RAVER2: variants seen among roughly 807,000 people sequenced by gnomAD.
RAVER2 encodes the protein ribonucleoprotein, PTB binding 2.
Under a neutral mutation model 78.1 loss-of-function variants are expected in RAVER2, and 46 were observed. The observed-to-expected ratio is 0.59, with a 90% confidence interval of 0.46 to 0.75. The LOEUF is 0.75. RAVER2 is among the 30% of genes least tolerant of loss of function. The probability of loss-of-function intolerance (pLI) is 0.00; values close to 1 mark genes in which losing one functional copy is unlikely to be tolerated. For synonymous variants in RAVER2, 311 were observed against 313.3 expected (o/e 0.99, Z 0.08); for missense variants, 793 against 837.5 (o/e 0.95, Z 0.66).
Position 64,807,415 on chromosome 1 carries a change from C to CT in RAVER2, c.1622dup (p.Val542GlyfsTer5). On this transcript the variant is annotated frameshift_variant, in exon 9 of 12. Coordinates refer to ENST00000294428, the Ensembl canonical transcript of RAVER2. LOFTEE classifies it high-confidence loss of function. ...TCCAAACCTTGCTGCTGGAAGCTTG[C>CT]TGGTGGGACACCATAAGCAGCAGCA... is the stretch of plus-strand genomic sequence containing the variant. 1 of 1,614,090 alleles carries CT rather than the reference C, an allele frequency of 6.2e-7. No homozygotes were observed. The highest frequency in any genetic ancestry group is 8.5e-7 in the Non-Finnish European group (1 of 1,180,030).
intron 1 of RAVER2, among the ~76,000 whole-genome samples, chr1:64,766,174 C>T (rs1307522766): frequency 6.6e-6 from 1 of 152,180 alleles, no homozygotes; most frequent in Non-Finnish European, 1.5e-5. Context: ...TTTTTATTAA[C>T]TTAACTTGAC....
At chr1:64,822,234 G>A (rs1325610908) in intron 11 of RAVER2, among the ~76,000 whole-genome samples, 2 of 152,228 alleles carry the variant, frequency 1.3e-5, no homozygotes, top group Admixed American at 6.5e-5. Context: ...CTTGCAGTGA[G>A]CCAAGATTGC....
intron 11 of RAVER2, among the ~76,000 whole-genome samples, chr1:64,825,449 G>A (rs1653985739): frequency 6.6e-6 from 1 of 152,168 alleles, no homozygotes; most frequent in African/African-American, 2.4e-5. Context: ...AGAATTTTCT[G>A]AAAACAAATT....
At chr1:64,803,634 T>C (rs902139287) in intron 6 of RAVER2, among the ~76,000 whole-genome samples, 11 of 152,216 alleles carry the variant, frequency 7.2e-5, no homozygotes, top group Admixed American at 2.6e-4. Context: ...AATTTTAATA[T>C]AAGTTGAATG....
intron 1 of RAVER2, among the ~76,000 whole-genome samples, chr1:64,755,755 T>G (rs1011788782): frequency 7.4e-6 from 1 of 135,320 alleles, no homozygotes; most frequent in African/African-American, 2.8e-5. Flanking sequence ...TTTTTTTTTG[T>G]AGCCAGAACT....
intron 5 of RAVER2, among the ~76,000 whole-genome samples, chr1:64,793,233 T>C (rs1480532757): frequency 6.6e-6 from 1 of 152,166 alleles, no homozygotes; most frequent in Admixed American, 6.5e-5. Context: ...GTAATTCTTA[T>C]ACCCTTGCTC....
chr1:64,790,840 T>A (rs1652919141), intron 5 of RAVER2, among the ~76,000 whole-genome samples: 1 of 152,192 alleles, frequency 6.6e-6, no homozygotes. Flanking sequence ...TAACACCAGC[T>A]CACCTACTGC....
chr1:64,766,638 G>A (rs1361043964), intron 1 of RAVER2, among the ~76,000 whole-genome samples: 2 of 152,154 alleles, frequency 1.3e-5, no homozygotes, highest in Non-Finnish European at 2.9e-5. Flanking sequence ...TCTCTTAGCT[G>A]AATGAGTAAC....
intron 1 of RAVER2, among the ~76,000 whole-genome samples, chr1:64,755,980 T>C (rs1651847554): frequency 2.0e-5 from 3 of 152,128 alleles, no homozygotes; most frequent in South Asian, 2.1e-4. Flanking sequence ...ACTGCAATGC[T>C]ACCCTCAAAG....
chr1:64,807,096 G>A, intron 8 of RAVER2, 110 bp from the exon 9 acceptor site: 3 of 1,283,626 alleles, frequency 2.3e-6, no homozygotes, highest in Non-Finnish European at 3.1e-6. Context: ...TATCTAACAG[G>A]TACAAAATTG....
intron 11 of RAVER2, among the ~76,000 whole-genome samples, chr1:64,819,481 G>T (rs1557606207): frequency 6.6e-6 from 1 of 152,104 alleles, no homozygotes; most frequent in Non-Finnish European, 1.5e-5. Context: ...TATCCTCAGG[G>T]ACCTGAGGGA....
chr1:64,799,000 C>T (rs1322102586), intron 5 of RAVER2, among the ~76,000 whole-genome samples: 1 of 152,148 alleles, frequency 6.6e-6, no homozygotes, highest in South Asian at 2.1e-4. Flanking sequence ...AACTTAGTCA[C>T]CCTACAGTAC....
chr1:64,758,322 G>A (rs528309516), intron 1 of RAVER2, among the ~76,000 whole-genome samples: 2 of 151,834 alleles, frequency 1.3e-5, no homozygotes, highest in African/African-American at 4.8e-5. Context: ...TATGTTAAAT[G>A]GCAAAAAGGG....
exon 3 of RAVER2, chr1:64,778,019 T>A (rs1218466245): frequency 6.2e-7 from 1 of 1,614,074 alleles, no homozygotes. Flanking sequence ...ATTGATAAAC[T>A]CCCCAGTGAC....
intron 1 of RAVER2, among the ~76,000 whole-genome samples, chr1:64,751,375 A>G (rs1300392016): frequency 6.6e-6 from 1 of 152,210 alleles, no homozygotes; most frequent in Non-Finnish European, 1.5e-5. Flanking sequence ...GTACTCCTGC[A>G]TCTTATGGCA....
chr1:64,828,170 C>A (rs1199749231), intron 11 of RAVER2, among the ~76,000 whole-genome samples: 1 of 129,342 alleles, frequency 7.7e-6, no homozygotes, highest in African/African-American at 2.8e-5. Flanking sequence ...CCCCCCACCC[C>A]CCGCCCATTT....
intron 1 of RAVER2, among the ~76,000 whole-genome samples, chr1:64,757,099 A>G (rs1281761244): frequency 6.6e-6 from 1 of 152,250 alleles, no homozygotes; most frequent in Non-Finnish European, 1.5e-5. Context: ...TGGAAATAAT[A>G]CATTAATTCC....
At chr1:64,749,676 A>G (rs184681714) in intron 1 of RAVER2, among the ~76,000 whole-genome samples, 4 of 152,376 alleles carry the variant, frequency 2.6e-5, no homozygotes. Flanking sequence ...TGAATAATTT[A>G]TAGTCAATAG....
chr1:64,756,535 G>T (rs1368004858), intron 1 of RAVER2, among the ~76,000 whole-genome samples: 2 of 151,836 alleles, frequency 1.3e-5, no homozygotes, highest in Admixed American at 6.6e-5. Context: ...TTTATTTTGG[G>T]GTGATTTTAG....
Sources: allele counts gnomAD v4.1 joint callset (sites outside exome capture counted in the v4.1 genomes callset), GRCh38; gene constraint gnomAD v4.1.1; transcripts MANE v1.5; gene names NCBI Gene and HGNC (gene_info 2026-07-23, HGNC 2026-07-21).